The following ZCWPW2 variants were observed in gnomAD, a reference collection of about 807,000 sequenced individuals.
ZCWPW2 encodes the protein zinc finger CW-type PWWP domain protein 2.
A neutral mutation model predicts 46.6 loss-of-function variants in ZCWPW2; 45 were observed. That is an observed-to-expected ratio of 0.96 (90% CI 0.76 to 1.24). The LOEUF (loss-of-function observed/expected upper bound fraction) is 1.24, where lower values mean the gene tolerates loss of function less well. Ranked by LOEUF, ZCWPW2 falls within the 50% of genes most tolerant of loss-of-function variation. ZCWPW2 has a pLI of 0.00. For synonymous variants in ZCWPW2, 152 were observed against 137.1 expected (o/e 1.11, Z -0.76); for missense variants, 429 against 403.9 (o/e 1.06, Z -0.53).
intron 1 of ZCWPW2, among the ~76,000 whole-genome samples, chr3:28,380,405 C>T (rs547859198): frequency 1.3e-5 from 2 of 152,186 alleles, no homozygotes; most frequent in African/African-American, 2.4e-5. Flanking sequence ...CTCACTTCCA[C>T]AGAAACGTGC....
intron 1 of ZCWPW2, among the ~76,000 whole-genome samples, chr3:28,377,307 G>A (rs566966642): frequency 2.6e-5 from 4 of 152,002 alleles, no homozygotes; most frequent in Admixed American, 1.3e-4. Context: ...TAATATTTGT[G>A]TCGTGATTCT....
chr3:28,396,755 CAAT>C (rs1357065988), intron 2 of ZCWPW2, among the ~76,000 whole-genome samples: 1 of 152,134 alleles, frequency 6.6e-6, no homozygotes, highest in Non-Finnish European at 1.5e-5. Flanking sequence ...CACATGCAAA[CAAT>C]AAAACCAATT....
At chr3:28,432,561 A>G (rs1177558796) in intron 3 of ZCWPW2, among the ~76,000 whole-genome samples, 1 of 152,144 alleles carries the variant, frequency 6.6e-6, no homozygotes, top group Admixed American at 6.5e-5. Context: ...TTCTCTGAAC[A>G]GTAGGTCAGA....
At chr3:28,508,627 C>T (rs1490796994) in intron 6 of ZCWPW2, among the ~76,000 whole-genome samples, 2 of 152,160 alleles carry the variant, frequency 1.3e-5, no homozygotes, top group African/African-American at 2.4e-5. Context: ...AAGCAATTCT[C>T]GTGCTTCAGC....
At chr3:28,490,713 C>T (rs960436021) in intron 5 of ZCWPW2, among the ~76,000 whole-genome samples, 2 of 151,806 alleles carry the variant, frequency 1.3e-5, no homozygotes, top group African/African-American at 4.8e-5. Context: ...AACTACCTAT[C>T]GGGTACTATG....
intron 6 of ZCWPW2, among the ~76,000 whole-genome samples, chr3:28,506,761 A>G (rs796809736): frequency 9.2e-5 from 14 of 152,188 alleles, no homozygotes; most frequent in African/African-American, 3.1e-4. Flanking sequence ...GTCCTAGGAA[A>G]CTAGTGTACT....
intron 4 of ZCWPW2, among the ~76,000 whole-genome samples, chr3:28,469,609 G>A (rs954112148): frequency 1.2e-4 from 18 of 151,946 alleles, no homozygotes; most frequent in African/African-American, 4.1e-4. Context: ...GACAAAAACT[G>A]TAAGAAGAGA....
chr3:28,467,056 A>T (rs1698850986), intron 4 of ZCWPW2, among the ~76,000 whole-genome samples: 1 of 152,210 alleles, frequency 6.6e-6, no homozygotes, highest in South Asian at 2.1e-4. Context: ...ATATGGTACT[A>T]ATAGTGATTT....
intron 2 of ZCWPW2, among the ~76,000 whole-genome samples, chr3:28,399,474 A>C (rs1695838537): frequency 6.6e-6 from 1 of 152,176 alleles, no homozygotes; most frequent in Admixed American, 6.5e-5. Context: ...CAGGAGGCCA[A>C]CCAGCACAAA....
chr3:28,513,992 T>G, intron 6 of ZCWPW2, 72 bp from the exon 7 acceptor site: 1 of 1,268,168 alleles, frequency 7.9e-7, no homozygotes. Flanking sequence ...TTGAACTGCA[T>G]GGGACCCATT....
intron 4 of ZCWPW2, among the ~76,000 whole-genome samples, chr3:28,466,956 C>T (rs1040515270): frequency 1.3e-5 from 2 of 151,524 alleles, no homozygotes; most frequent in Non-Finnish European, 2.9e-5. Flanking sequence ...TTTTGACAAA[C>T]TAATTATAAA....
At chr3:28,381,816 T>A (rs1444756985) in intron 1 of ZCWPW2, among the ~76,000 whole-genome samples, 1 of 152,052 alleles carries the variant, frequency 6.6e-6, no homozygotes, top group Non-Finnish European at 1.5e-5. Flanking sequence ...ATAAAGTGGC[T>A]GTATTAATTT....
chr3:28,507,296 T>C (rs1229346763), intron 6 of ZCWPW2, among the ~76,000 whole-genome samples: 3 of 152,214 alleles, frequency 2.0e-5, no homozygotes, highest in African/African-American at 7.2e-5. Context: ...AACTGTTTAA[T>C]GGTATTTCCA....
At chr3:28,360,227 C>T (rs1314927766) in intron 1 of ZCWPW2, among the ~76,000 whole-genome samples, 4 of 151,480 alleles carry the variant, frequency 2.6e-5, no homozygotes, top group South Asian at 2.1e-4. Context: ...CAATTCTGGC[C>T]GGGCGCGGTG....
At chr3:28,435,051 G>C in intron 3 of ZCWPW2, 59 bp from the exon 4 acceptor site, 1 of 1,569,874 alleles carries the variant, frequency 6.4e-7, no homozygotes, top group Non-Finnish European at 8.7e-7. Context: ...ATTGATAGAC[G>C]TGTTGATGTC....
intron 2 of ZCWPW2, among the ~76,000 whole-genome samples, chr3:28,403,353 T>C (rs1696024795): frequency 6.6e-6 from 1 of 152,086 alleles, no homozygotes; most frequent in Non-Finnish European, 1.5e-5. Context: ...GTGAAAGACC[T>C]CTGCAAGGAA....
At chr3:28,502,020 C>T (rs773524639) in intron 6 of ZCWPW2, among the ~76,000 whole-genome samples, 1 of 152,070 alleles carries the variant, frequency 6.6e-6, no homozygotes, top group Non-Finnish European at 1.5e-5. Flanking sequence ...ACCCACATCC[C>T]ACCAGAAAGT....
intron 6 of ZCWPW2, among the ~76,000 whole-genome samples, chr3:28,508,852 G>GT (rs1198819833): frequency 2.6e-5 from 4 of 151,938 alleles, no homozygotes; most frequent in African/African-American, 9.7e-5. Flanking sequence ...ATGTCATTCC[G>GT]TTTTTTAAAT....
At position 28,521,076 on chromosome 3, in the gene ZCWPW2, C is replaced by G; in HGVS notation, c.869C>G (p.Ser290Ter). Residue 290 changes from serine (S) to a stop codon, truncating the protein, a stop_gained, in exon 9 of 10, where the codon TCA (serine) becomes TGA (stop). Coordinates refer to ENST00000383768, the MANE Select transcript of ZCWPW2 (RefSeq NM_001040432.4). LOFTEE classifies it low-confidence loss of function (END_TRUNC). ...ALQPTATPDE[S>*]EEGHGEEINM... Reference sequence around the variant, plus strand: ...CAACCCACAGCCACACCTGATGAATCAGAAGAAGGACATGGAGAGGAAATA... The same window carrying G: ...CAACCCACAGCCACACCTGATGAATGAGAAGAAGGACATGGAGAGGAAATA... 1 of 1,609,644 alleles carries G rather than the reference C, an allele frequency of 6.2e-7. No homozygotes were observed. The highest frequency in any genetic ancestry group is 1.3e-5 in the African/African-American group (1 of 74,678).
Sources: gnomAD v4.1 joint callset for allele counts (sites outside exome capture counted in the v4.1 genomes callset) on GRCh38, gnomAD v4.1.1 for gene constraint, MANE v1.5 for transcripts, NCBI Gene and HGNC (gene_info 2026-07-23, HGNC 2026-07-21) for gene names.